METTL2B: variants seen among roughly 807,000 people sequenced by gnomAD.
The protein encoded by METTL2B is methyltransferase 2B, tRNA N3-cytidine.
A neutral mutation model predicts 51.0 loss-of-function variants in METTL2B; 28 were observed. That is an observed-to-expected ratio of 0.55 (90% CI 0.41 to 0.75). The LOEUF (loss-of-function observed/expected upper bound fraction) is 0.75, where lower values mean the gene tolerates loss of function less well. Ranked by LOEUF, METTL2B falls within the 30% of genes least tolerant of loss-of-function variation. The pLI, the probability that METTL2B is intolerant of heterozygous loss-of-function variation, is 0.00. For synonymous variants in METTL2B, 128 were observed against 166.3 expected (o/e 0.77, Z 1.77); for missense variants, 313 against 460.7 (o/e 0.68, Z 2.93).
At chr7:128,488,191 A>C in intron 5 of METTL2B, 30 bp downstream of exon 5, 1 of 1,609,642 alleles carries the variant, frequency 6.2e-7, no homozygotes, top group Non-Finnish European at 8.5e-7. Flanking sequence ...ACCTATTGGT[A>C]ATTTCCACTG....
At chr7:128,479,535 A>G (rs532663025) in intron 3 of METTL2B, 22 bp downstream of exon 3, 5 of 1,606,022 alleles carry the variant, frequency 3.1e-6, no homozygotes, top group African/African-American at 1.3e-5. Flanking sequence ...TTGTCTTGGT[A>G]GTGGGATATG....
chr7:128,491,448 G>C (rs1792831111), intron 5 of METTL2B, among the ~76,000 whole-genome samples: 1 of 152,004 alleles, frequency 6.6e-6, no homozygotes, highest in Non-Finnish European at 1.5e-5. Flanking sequence ...ACAAAAATTA[G>C]CCAGGTATGG....
intron 6 of METTL2B, among the ~76,000 whole-genome samples, chr7:128,495,772 A>C (rs1792913891): frequency 6.6e-6 from 1 of 152,128 alleles, no homozygotes; most frequent in Admixed American, 6.6e-5. Flanking sequence ...TTCTCAAGGA[A>C]GCAGAGTCAG....
intron 6 of METTL2B, among the ~76,000 whole-genome samples, chr7:128,494,424 C>G (rs1243051708): frequency 6.6e-6 from 1 of 152,182 alleles, no homozygotes; most frequent in Non-Finnish European, 1.5e-5. Flanking sequence ...GTCTTGATGT[C>G]CAACTTCTGT....
At chr7:128,491,594 C>CA (rs199737741) in intron 5 of METTL2B, among the ~76,000 whole-genome samples, 10,518 of 133,034 alleles carry the variant, frequency 0.079, 724 homozygotes, top group East Asian at 0.27. Context: ...AACTCTATCT[C>CA]AAAAAAAAAA....
intron 5 of METTL2B, among the ~76,000 whole-genome samples, chr7:128,488,958 G>A (rs754613023): frequency 1.1e-4 from 16 of 151,636 alleles, no homozygotes; most frequent in South Asian, 2.1e-4. Flanking sequence ...AAAATTAGCC[G>A]GGCTAAAAAT....
rs1563031102 is a variant in METTL2B at position 128,498,022 on chromosome 7, C to G, written c.810-14C>G. The G allele has an allele frequency of 6.2e-7, 1 of 1,613,070 alleles. No individual in the cohort carries two copies. Among genetic ancestry groups the G allele is most frequent in the East Asian group, 2.2e-5 (1 of 44,826 alleles). On this transcript the variant is annotated splice_polypyrimidine_tract_variant and intron_variant, in intron 6 of 8. Coordinates refer to ENST00000262432, the MANE Select transcript of METTL2B (RefSeq NM_018396.3). ...AGGAGACCTGATTAACTATAATTCC[C>G]TGTGTCTCCACAGGATGCAGAAGGC...
intron 4 of METTL2B, among the ~76,000 whole-genome samples, chr7:128,485,915 G>A (rs186525301): frequency 5.3e-4 from 80 of 152,318 alleles, no homozygotes; most frequent in African/African-American, 1.9e-3. Context: ...TGTGTGGGTT[G>A]TATGCAAATG....
At chr7:128,483,654 G>C (rs935712150) in intron 4 of METTL2B, among the ~76,000 whole-genome samples, 3 of 152,124 alleles carry the variant, frequency 2.0e-5, no homozygotes, top group African/African-American at 7.2e-5. Flanking sequence ...CAATTATCCT[G>C]CCTCAGCCTC....
intron 5 of METTL2B, among the ~76,000 whole-genome samples, chr7:128,493,077 T>C (rs1010976823): frequency 1.3e-5 from 2 of 152,222 alleles, no homozygotes; most frequent in African/African-American, 4.8e-5. Context: ...AGGAATGTTC[T>C]ATTTTAAACG....
chr7:128,490,959 G>A (rs1407526012), intron 5 of METTL2B, among the ~76,000 whole-genome samples: 1 of 151,306 alleles, frequency 6.6e-6, no homozygotes, highest in Non-Finnish European at 1.5e-5. Context: ...TCAGGAGTTC[G>A]ATACCAGCCT....
chr7:128,478,312 G>A (rs936942261), intron 2 of METTL2B, among the ~76,000 whole-genome samples: 3 of 150,192 alleles, frequency 2.0e-5, no homozygotes, highest in African/African-American at 7.4e-5. Context: ...GTGCAGTGGC[G>A]CGATCTCAGC....
intron 5 of METTL2B, among the ~76,000 whole-genome samples, chr7:128,489,154 C>A (rs1425712326): frequency 6.6e-6 from 1 of 151,898 alleles, no homozygotes; most frequent in Non-Finnish European, 1.5e-5. Context: ...TATTGGTTGG[C>A]CACAATGGCT....
intron 4 of METTL2B, among the ~76,000 whole-genome samples, chr7:128,486,786 G>A (rs3097361): frequency 0.78 from 118,619 of 151,960 alleles, 46,555 homozygotes; most frequent in East Asian, 0.94. Flanking sequence ...TTAGCTGGGT[G>A]TGGTGGTGCG....
At chr7:128,495,080 AATTTTTGT>A (rs1792900589) in intron 6 of METTL2B, among the ~76,000 whole-genome samples, 1 of 149,362 alleles carries the variant, frequency 6.7e-6, no homozygotes, top group African/African-American at 2.5e-5. Flanking sequence ...ATGCCTGGCT[AATTTTTGT>A]ATTTTTTTTT....
chr7:128,504,141 C>T lies in METTL2B; in HGVS notation c.*2225C>T, dbSNP rs1422612111. 6.6e-6 allele frequency: 1 copy of T among 152,098 alleles called. No individual in the cohort carries two copies. The highest frequency in any genetic ancestry group is 1.5e-5 in the Non-Finnish European group (1 of 68,032). 9.4% of individuals were successfully genotyped at this position (152,098 alleles called of 1,614,324 possible). A position where few individuals can be genotyped will look rare whatever the true frequency, so the allele number is the denominator to read the frequency against. On this transcript the variant is annotated 3_prime_UTR_variant, in exon 9 of 9. Coordinates refer to ENST00000262432, the MANE Select transcript of METTL2B (RefSeq NM_018396.3). ...AATATATTACCAAATATATCCATCACAAGTAGGAATACATGGAAACATTAA... is the reference window on the plus strand; with the variant it reads ...AATATATTACCAAATATATCCATCATAAGTAGGAATACATGGAAACATTAA...
chr7:128,502,359 G>A lies in METTL2B; in HGVS notation c.*443G>A, dbSNP rs2116871591. The A allele has an allele frequency of 3.8e-6, 1 of 262,904 alleles. No homozygotes were observed. The highest frequency in any genetic ancestry group is 2.4e-5 in the African/African-American group (1 of 42,472). The allele number at this position is 262,904 out of a possible 1,614,324, so 16.3% of individuals were successfully genotyped here. A position where few individuals can be genotyped will look rare whatever the true frequency, so the allele number is the denominator to read the frequency against. ...ACCTTAAACCACCATTTATTTCCATGTGAAAAAGTGTTATATATGACAAGT... is the reference window on the plus strand; with the variant it reads ...ACCTTAAACCACCATTTATTTCCATATGAAAAAGTGTTATATATGACAAGT... On this transcript the variant is annotated 3_prime_UTR_variant, in exon 9 of 9. Transcript: ENST00000262432.
chr7:128,479,268 C>G lies in METTL2B; in HGVS notation c.313C>G (p.Pro105Ala). ...WLFTEFPELA[P>A]SQNQNHLKDW... ...TTTTACCGAATTCCCTGAGCTGGCA[C>G]CTAGCCAAAATCAAAATCATTTGAA... is the stretch of plus-strand genomic sequence containing the variant. The change falls in exon 3 of 9, where the codon CCT becomes GCT. Residue 105 changes from proline (P) to alanine (A), a missense_variant. Transcript: ENST00000262432. 1 of 1,614,142 alleles carries G rather than the reference C, an allele frequency of 6.2e-7. No individual in the cohort carries two copies. Among genetic ancestry groups the G allele is most frequent in the Non-Finnish European group, 8.5e-7 (1 of 1,180,024 alleles).
chr7:128,477,187 G>C lies in METTL2B; in HGVS notation c.202+14G>C, dbSNP rs375987240. 2 of 1,613,798 alleles carry C rather than the reference G, an allele frequency of 1.2e-6. No homozygotes were observed. The highest frequency in any genetic ancestry group is 1.7e-6 in the Non-Finnish European group (2 of 1,179,834). ...AGGAGAAACAAGGTGCGCTTAAATG[G>C]GCTCTCGTTGGTATCAACAGCCAGC... On this transcript the variant is annotated intron_variant, in intron 2 of 8. Transcript: ENST00000262432.
Sources: allele counts gnomAD v4.1 joint callset (sites outside exome capture counted in the v4.1 genomes callset), GRCh38; gene constraint gnomAD v4.1.1; transcripts MANE v1.5; gene names NCBI Gene and HGNC (gene_info 2026-07-23, HGNC 2026-07-21).